Variants in NBEAL1 observed in about 807,000 individuals in gnomAD.
NBEAL1 encodes the protein neurobeachin-like protein 1.
NBEAL1 carries 273 observed loss-of-function variants against 351.3 expected under a neutral mutation model. The observed-to-expected ratio is 0.78, with a 90% CI of 0.70 to 0.86. The LOEUF is 0.86. NBEAL1 is among the 40% of genes least tolerant of loss of function. The pLI, the probability that NBEAL1 is intolerant of heterozygous loss-of-function variation, is 0.00. For synonymous variants in NBEAL1, 1,050 were observed against 1,086.4 expected (o/e 0.97, Z 0.66); for missense variants, 2,961 against 3,201.3 (o/e 0.92, Z 1.81).
intron 31 of NBEAL1, among the ~76,000 whole-genome samples, chr2:203,142,145 C>A (rs2063398745): frequency 6.6e-6 from 1 of 152,068 alleles, no homozygotes; most frequent in Non-Finnish European, 1.5e-5. Flanking sequence ...TGGGGTGAGA[C>A]TAGGGCATCA....
In NBEAL1 at chr2:203,188,490, G is replaced by A; in HGVS notation, c.6724G>A (p.Ala2242Thr). The change falls in exon 45 of 56, where the codon GCT (alanine) becomes ACT (threonine). Residue 2242 changes from alanine to threonine, a missense_variant. By Grantham distance (58) the Ala-to-Thr change is moderately conservative. Coordinates refer to ENST00000683969, the MANE Select transcript of NBEAL1 (RefSeq NM_001378026.1). ...TTTCTAGGAGTCTGAATATGTTTCA[G>A]CTCATCTTCATGAATGGATAGATCT... ...RKALESEYVS[A>T]HLHEWIDLIF... 2.5e-6 allele frequency: 4 copies of A among 1,575,558 alleles called. No homozygotes were observed. The highest frequency in any genetic ancestry group is 2.4e-5 in the South Asian group (2 of 82,020).
At chr2:203,031,323 G>A (rs548283362) in intron 2 of NBEAL1, among the ~76,000 whole-genome samples, 8 of 152,250 alleles carry the variant, frequency 5.3e-5, no homozygotes, top group African/African-American at 1.9e-4. Context: ...AATTGTGATC[G>A]TTCCTATGGT....
Position 203,062,385 on chromosome 2 carries a change from CA to C in NBEAL1, c.515+4936del. The C allele has an allele frequency of 4.4e-6, 2 of 459,316 alleles. No individual in the cohort carries two copies. Among genetic ancestry groups the C allele is most frequent in the South Asian group, 1.6e-5 (1 of 61,774 alleles). 28.5% of individuals were successfully genotyped at this position (459,316 alleles called of 1,614,324 possible). ...GGGGTGAAGGTTACAGCCACATCCT[CA>C]AAAGTCACTGAGTCCATGTTCCAGC... On this transcript the variant is annotated intron_variant, in intron 6 of 55. Transcript: ENST00000683969. The surrounding 1 kb of genome is among the most constrained non-coding windows in gnomAD (Gnocchi z 4.2).
intron 33 of NBEAL1, among the ~76,000 whole-genome samples, chr2:203,148,095 T>C (rs1334527463): frequency 2.9e-4 from 44 of 152,192 alleles, no homozygotes; most frequent in Admixed American, 2.7e-3. Context: ...AACAATTGAT[T>C]TCCTACTAAG....
chr2:203,109,190 G>A (rs2062506824), intron 14 of NBEAL1, among the ~76,000 whole-genome samples: 1 of 151,704 alleles, frequency 6.6e-6, no homozygotes, highest in African/African-American at 2.4e-5. Flanking sequence ...AACACTGTCT[G>A]TACTAAAAAT....
chr2:203,128,059 C>A, intron 24 of NBEAL1, 122 bp downstream of exon 24: 1 of 659,976 alleles, frequency 1.5e-6, no homozygotes, highest in Non-Finnish European at 2.6e-6. Context: ...GTGTCACATT[C>A]AATATTATGC....
chr2:203,025,524 A>G lies in NBEAL1; in HGVS notation c.51+9089A>G, dbSNP rs552718369. ...GTTGCAAGTTTTGTTACAAGCAAGT[A>G]AAGAATTGGGACCAAAGATCCAATC... is the stretch of plus-strand genomic sequence containing the variant. On this transcript the variant is annotated intron_variant, in intron 2 of 55. Transcript: ENST00000683969. Among the ~76,000 whole-genome samples the G allele has an allele frequency of 1.4e-4, 21 of 152,342 alleles. No individual in the cohort carries two copies. The South Asian group carries it at 4.4e-3, about 32-fold the overall frequency.
chr2:203,202,806 G>C (rs1298894545), intron 51 of NBEAL1, 25 bp downstream of exon 51: 4 of 1,308,706 alleles, frequency 3.1e-6, no homozygotes, highest in South Asian at 1.2e-5. Flanking sequence ...AAATGTTCTT[G>C]AATTAGGTCA....
At chr2:203,023,737 G>A (rs1028405792) in intron 2 of NBEAL1, among the ~76,000 whole-genome samples, 1 of 152,070 alleles carries the variant, frequency 6.6e-6, no homozygotes, top group Non-Finnish European at 1.5e-5. Context: ...GGACATTCAG[G>A]TAGAAATACT....
chr2:203,065,596 C>G (rs2061569854), intron 6 of NBEAL1, among the ~76,000 whole-genome samples: 1 of 151,906 alleles, frequency 6.6e-6, no homozygotes, highest in African/African-American at 2.4e-5. Context: ...ACTAAAAATA[C>G]AAAAAATTAG....
chr2:203,175,725 T>C (rs377177694), intron 42 of NBEAL1, among the ~76,000 whole-genome samples: 4 of 152,184 alleles, frequency 2.6e-5, no homozygotes, highest in African/African-American at 9.6e-5. Flanking sequence ...ACACTGTGGG[T>C]ATTATAACTT....
At chr2:203,086,505 A>C (rs2061963654) in intron 10 of NBEAL1, among the ~76,000 whole-genome samples, 1 of 152,180 alleles carries the variant, frequency 6.6e-6, no homozygotes, top group Non-Finnish European at 1.5e-5. Flanking sequence ...GCCACATCTA[A>C]AATGGAACAG....
intron 2 of NBEAL1, among the ~76,000 whole-genome samples, chr2:203,028,294 G>A (rs1001426274): frequency 4.2e-4 from 64 of 151,804 alleles, no homozygotes; most frequent in Non-Finnish European, 2.5e-4. Flanking sequence ...TGGAATTATA[G>A]GTGTGAGCCA....
At chr2:203,180,663 G>A (rs1176041768) in intron 43 of NBEAL1, 151 bp downstream of exon 43, 9 of 737,774 alleles carry the variant, frequency 1.2e-5, no homozygotes, top group Non-Finnish European at 1.8e-5. Flanking sequence ...CTAATGCTAT[G>A]AGTCTTACCT....
chr2:203,149,012 A>G lies in NBEAL1; in HGVS notation c.5326A>G (p.Asn1776Asp), dbSNP rs1376758609. 4 of 1,608,848 alleles carry G rather than the reference A, an allele frequency of 2.5e-6. No homozygotes were observed. In the African/African-American group the frequency reaches 5.3e-5, roughly 22 times the overall value. ...TCAGGAGCTGTTTGTGGAGCCATTTAATCGAAAAGCACGCCAAGAGAACCT... is the reference window on the plus strand; with the variant it reads ...TCAGGAGCTGTTTGTGGAGCCATTTGATCGAAAAGCACGCCAAGAGAACCT... ...KFQELFVEPF[N>D]RKARQENLRY... The change falls in exon 34 of 56, where the codon AAT becomes GAT. Residue 1776 changes from asparagine to aspartate, a missense_variant. By Grantham distance (23) the Asn-to-Asp change is conservative. Coordinates refer to ENST00000683969, the MANE Select transcript of NBEAL1 (RefSeq NM_001378026.1).
rs1335752628 is a variant in NBEAL1 at position 203,217,626 on chromosome 2, T to G, written c.*272T>G. ...TAAAATGAGAACATTAGGTTCAATTTTCTTATTATTCCAAATGATAAAATT... is the reference window on the plus strand; with the variant it reads ...TAAAATGAGAACATTAGGTTCAATTGTCTTATTATTCCAAATGATAAAATT... On this transcript the variant is annotated 3_prime_UTR_variant, in exon 56 of 56. Coordinates refer to ENST00000683969, the MANE Select transcript of NBEAL1 (RefSeq NM_001378026.1). 3 of 1,009,484 alleles carry G rather than the reference T, an allele frequency of 3.0e-6. No homozygotes were observed. The highest frequency in any genetic ancestry group is 3.6e-6 in the Non-Finnish European group (3 of 833,794). The allele number at this position is 1,009,484 out of a possible 1,614,324, so 62.5% of individuals were successfully genotyped here. A position where few individuals can be genotyped will look rare whatever the true frequency, so the allele number is the denominator to read the frequency against.
At chr2:203,063,324 T>C (rs2061529626) in intron 6 of NBEAL1, among the ~76,000 whole-genome samples, 1 of 151,824 alleles carries the variant, frequency 6.6e-6, no homozygotes, top group African/African-American at 2.4e-5. Context: ...GATGTGTGCC[T>C]CTAGTTCTGA....
At chr2:203,068,705 AATGAT>A (rs1559344258) in intron 7 of NBEAL1, among the ~76,000 whole-genome samples, 2 of 152,058 alleles carry the variant, frequency 1.3e-5, no homozygotes, top group African/African-American at 4.8e-5. Context: ...TGAATATTTT[AATGAT>A]GGTGGTATAG....
At chr2:203,194,151 G>A (rs898590298) in intron 47 of NBEAL1, among the ~76,000 whole-genome samples, 1 of 152,056 alleles carries the variant, frequency 6.6e-6, no homozygotes, top group East Asian at 1.9e-4. Context: ...TTTTCCTGAC[G>A]AAGAAGAATA....
Sources: gnomAD v4.1 joint callset for allele counts (sites outside exome capture counted in the v4.1 genomes callset) on GRCh38, gnomAD v4.1.1 for gene constraint, Gnocchi (gnomAD v3.1) non-coding constraint, MANE v1.5 for transcripts, NCBI Gene and HGNC (gene_info 2026-07-23, HGNC 2026-07-21) for gene names.